AGMO: variants seen among roughly 807,000 people sequenced by gnomAD.
The protein encoded by AGMO is alkylglycerol monooxygenase.
In AGMO, 75 loss-of-function variants were observed where a neutral mutation model predicts 60.2. The observed-to-expected ratio is 1.25, with a 90% CI of 1.03 to 1.51. The LOEUF (loss-of-function observed/expected upper bound fraction) is 1.51, where lower values mean the gene tolerates loss of function less well. Ranked by LOEUF, AGMO falls within the 40% of genes most tolerant of loss-of-function variation. AGMO has a pLI of 0.00. For missense variants in AGMO, 763 were observed against 525.5 expected, an observed-to-expected ratio of 1.45 and a Z score of -4.42; for synonymous variants, 261 against 177.1, an observed-to-expected ratio of 1.47 and a Z score of -3.76.
intron 3 of AGMO, among the ~76,000 whole-genome samples, chr7:15,499,947 T>TA (rs1783334873): frequency 1.4e-5 from 2 of 144,978 alleles, no homozygotes; most frequent in Admixed American, 6.9e-5. Flanking sequence ...ATATATATAA[T>TA]ATATATATTT....
chr7:15,359,983 G>A (rs1199754830), intron 12 of AGMO, among the ~76,000 whole-genome samples: 2 of 152,148 alleles, frequency 1.3e-5, no homozygotes, highest in Non-Finnish European at 2.9e-5. Flanking sequence ...TACAGCCTGT[G>A]CTTTTATTAT....
intron 5 of AGMO, among the ~76,000 whole-genome samples, chr7:15,406,057 G>A (rs1784676552): frequency 1.3e-5 from 2 of 151,682 alleles, no homozygotes; most frequent in South Asian, 4.1e-4. Context: ...ATTTTAGACA[G>A]TCCAGCTTCA....
chr7:15,465,982 T>C (rs1324144204), intron 3 of AGMO, among the ~76,000 whole-genome samples: 2 of 152,166 alleles, frequency 1.3e-5, no homozygotes, highest in African/African-American at 4.8e-5. Flanking sequence ...TAATTATTCA[T>C]TTGTACTGAA....
the AGMO span, among the ~76,000 whole-genome samples, chr7:15,178,060 A>G: frequency 1.3e-5 from 2 of 151,976 alleles, no homozygotes; most frequent in Non-Finnish European, 2.9e-5. Flanking sequence ...AGCCTGCAGA[A>G]CTCCTTCCTG....
intron 12 of AGMO, among the ~76,000 whole-genome samples, chr7:15,311,069 A>G (rs1027345854): frequency 2.6e-5 from 4 of 152,272 alleles, no homozygotes; most frequent in South Asian, 4.1e-4. Context: ...GCAACTTAAC[A>G]TATTCACAGG....
intron 10 of AGMO, among the ~76,000 whole-genome samples, chr7:15,381,370 A>G (rs1562473437): frequency 6.6e-6 from 1 of 152,146 alleles, no homozygotes; most frequent in Non-Finnish European, 1.5e-5. Flanking sequence ...TGGGCGAAGA[A>G]CACGAACCTT....
At chr7:15,380,206 A>T (rs1433759445) in intron 10 of AGMO, among the ~76,000 whole-genome samples, 1 of 152,122 alleles carries the variant, frequency 6.6e-6, no homozygotes, top group African/African-American at 2.4e-5. Context: ...CAATAAGAAG[A>T]GAGGAGATCA....
intron 5 of AGMO, among the ~76,000 whole-genome samples, chr7:15,415,362 G>A (rs539250276): frequency 7.2e-5 from 11 of 152,004 alleles, no homozygotes; most frequent in African/African-American, 1.9e-4. Flanking sequence ...GGCCAACATG[G>A]TGAAACCCCA....
the AGMO span, among the ~76,000 whole-genome samples, chr7:15,134,481 G>T: frequency 6.6e-6 from 1 of 152,114 alleles, no homozygotes; most frequent in Non-Finnish European, 1.5e-5. Context: ...AGGCCCTGGT[G>T]TTGGTTGTTC....
Position 15,265,712 on chromosome 7 carries a change from C to T in AGMO, c.1264-64353G>A, listed in dbSNP as rs574278996. ...CCATTGATAATAGTGTAAAAGGCAA[C>T]AGTCACTGTGGAAAATACGATGGTT... On this transcript the variant is annotated intron_variant, in intron 12 of 12. Transcript: ENST00000342526. Among the ~76,000 whole-genome samples the T allele has an allele frequency of 8.5e-5, 13 of 152,102 alleles. No homozygotes were observed. In the South Asian group the frequency reaches 1.7e-3, roughly 19 times the overall value.
intron 3 of AGMO, among the ~76,000 whole-genome samples, chr7:15,436,458 C>T (rs28579637): frequency 0.24 from 37,213 of 151,964 alleles, 4,718 homozygotes; most frequent in African/African-American, 0.29. Context: ...GGCATTAATC[C>T]ATTCTTGAGG....
intron 5 of AGMO, among the ~76,000 whole-genome samples, chr7:15,417,457 A>G (rs1411594886): frequency 2.0e-5 from 3 of 152,146 alleles, no homozygotes; most frequent in Non-Finnish European, 1.5e-5. Flanking sequence ...CAGAGCTGCT[A>G]TAAAATGTAA....
At position 15,354,402 on chromosome 7, in the gene AGMO, G is replaced by A. The variant is rs1372154406; in HGVS notation, c.1263+11112C>T. ...TATACACGTGTGTGTATACACGTGT[G>A]TGTACACACGTGTGTGTATACACAC... On this transcript the variant is annotated intron_variant, in intron 12 of 12. Transcript: ENST00000342526. Among the ~76,000 whole-genome samples the A allele has an allele frequency of 8.7e-3, 279 of 32,222 alleles. 34 individuals are homozygous for A. The highest frequency in any genetic ancestry group is 0.061 in the African/African-American group (225 of 3,684). The allele number at this position is 32,222 out of a possible 152,430, so 21.1% of individuals were successfully genotyped here.
At chr7:15,469,188 T>C (rs1299974325) in intron 3 of AGMO, among the ~76,000 whole-genome samples, 2 of 152,106 alleles carry the variant, frequency 1.3e-5, no homozygotes, top group South Asian at 2.1e-4. Flanking sequence ...GCTTTAGAAT[T>C]GCTCTATCTT....
intron 12 of AGMO, among the ~76,000 whole-genome samples, chr7:15,202,831 T>C (rs1029636790): frequency 1.3e-5 from 2 of 152,088 alleles, no homozygotes; most frequent in Admixed American, 1.3e-4. Flanking sequence ...CCAGGTAAAA[T>C]AATACTGCGC....
chr7:15,530,798 C>CTATATAGATAT (rs1208960356), intron 3 of AGMO, among the ~76,000 whole-genome samples: 2 of 105,846 alleles, frequency 1.9e-5, no homozygotes, highest in Non-Finnish European at 3.5e-5. Flanking sequence ...ATATACATTT[C>CTATATAGATAT]TCTATATATT....
At chr7:15,332,024 A>T (rs1222726184) in intron 12 of AGMO, among the ~76,000 whole-genome samples, 1 of 152,112 alleles carries the variant, frequency 6.6e-6, no homozygotes, top group Non-Finnish European at 1.5e-5. Context: ...TCTTCTACTT[A>T]CCTTCAATTC....
intron 3 of AGMO, among the ~76,000 whole-genome samples, chr7:15,480,762 T>C (rs1782726344): frequency 6.6e-6 from 1 of 152,102 alleles, no homozygotes; most frequent in Non-Finnish European, 1.5e-5. Context: ...AAGAAAATTA[T>C]TGTCAAAGCA....
intron 12 of AGMO, among the ~76,000 whole-genome samples, chr7:15,272,907 T>C (rs1230024397): frequency 6.6e-6 from 1 of 152,220 alleles, no homozygotes; most frequent in Non-Finnish European, 1.5e-5. Flanking sequence ...CATTTTTTCA[T>C]GTGTCTGTTG....
Sources: allele counts gnomAD v4.1 joint callset (sites outside exome capture counted in the v4.1 genomes callset), GRCh38; gene constraint gnomAD v4.1.1; transcripts MANE v1.5; gene names NCBI Gene and HGNC (gene_info 2026-07-23, HGNC 2026-07-21).